FRY: variants seen among roughly 807,000 people sequenced by gnomAD.
FRY encodes protein furry homolog.
A neutral mutation model predicts 348.4 loss-of-function variants in FRY; 128 were observed. The observed-to-expected ratio is 0.37, with a 90% CI of 0.32 to 0.43. The LOEUF (loss-of-function observed/expected upper bound fraction) is 0.43, where lower values mean the gene tolerates loss of function less well. FRY is among the 20% of genes least tolerant of loss of function. The probability of loss-of-function intolerance (pLI) is 1.00; values close to 1 mark genes in which losing one functional copy is unlikely to be tolerated. For missense variants in FRY, 2,736 were observed against 3,695.2 expected, an observed-to-expected ratio of 0.74 and a Z score of 6.73; for synonymous variants, 1,370 against 1,374.7, an observed-to-expected ratio of 1.00 and a Z score of 0.08.
chr13:32,219,291 G>A (rs1489060996), intron 36 of FRY, among the ~76,000 whole-genome samples: 39 of 149,052 alleles, frequency 2.6e-4, no homozygotes, highest in Middle Eastern at 3.5e-3. Flanking sequence ...GGATTTCACC[G>A]TGTTAACCAG....
chr13:32,272,358 T>A (rs1285998274), intron 55 of FRY, among the ~76,000 whole-genome samples: 1 of 152,250 alleles, frequency 6.6e-6, no homozygotes, highest in Non-Finnish European at 1.5e-5. Context: ...CGGTACAGTA[T>A]GGACATTTTT....
At chr13:32,270,817 T>C (rs1010197538) in intron 55 of FRY, among the ~76,000 whole-genome samples, 2 of 152,254 alleles carry the variant, frequency 1.3e-5, no homozygotes, top group Non-Finnish European at 2.9e-5. Flanking sequence ...TGTTTTGGTG[T>C]CTGTCTCCCG....
intron 39 of FRY, among the ~76,000 whole-genome samples, chr13:32,227,008 A>G (rs993458585): frequency 2.0e-5 from 3 of 152,218 alleles, no homozygotes; most frequent in African/African-American, 7.2e-5. Flanking sequence ...TGAGGATAAG[A>G]ATGTACTTTC....
intron 10 of FRY, among the ~76,000 whole-genome samples, chr13:32,135,688 G>C (rs1394746279): frequency 6.6e-6 from 1 of 152,204 alleles, no homozygotes; most frequent in Non-Finnish European, 1.5e-5. Context: ...GAGCAGTATA[G>C]AAAATCTTTT....
chr13:32,114,811 G>A (rs1170123184), intron 3 of FRY, among the ~76,000 whole-genome samples: 1 of 152,136 alleles, frequency 6.6e-6, no homozygotes, highest in Admixed American at 6.5e-5. Flanking sequence ...GATAACTTTA[G>A]AAAGAATTAG....
intron 36 of FRY, among the ~76,000 whole-genome samples, chr13:32,223,061 A>C (rs1974490): frequency 0.63 from 96,134 of 151,952 alleles, 31,330 homozygotes; most frequent in African/African-American, 0.8. Context: ...TCAAACGATT[A>C]TCCTGCCTCA....
rs2138558363 is a variant in FRY, at chr13:32,265,493, A to G, written c.7823A>G (p.Asp2608Gly). 1.2e-6 allele frequency: 2 copies of G among 1,614,180 alleles called. No homozygotes were observed. The highest frequency in any genetic ancestry group is 2.2e-5 in the East Asian group (1 of 44,882). The change falls in exon 54 of 61, where the codon GAT becomes GGT. Residue 2608 changes from aspartate (D) to glycine (G), a missense_variant. Coordinates refer to ENST00000542859, the MANE Select transcript of FRY (RefSeq NM_023037.3). ...GAGGAGGACACCACCGTGCATGAGG[A>G]TGATCTTTCTAGTTCCATCAATGAA... ...REEEDTTVHE[D>G]DLSSSINELP... is the part of the protein sequence containing the mutation.
chr13:32,056,236 G>A (rs1373412649), intron 1 of FRY, among the ~76,000 whole-genome samples: 1 of 151,264 alleles, frequency 6.6e-6, no homozygotes, highest in Non-Finnish European at 1.5e-5. Flanking sequence ...ATCAGAGAAT[G>A]GGTGATCTTT....
chr13:32,175,593 C>A lies in FRY; in HGVS notation c.2382C>A (p.Ser794=). Residue 794 remains serine, a synonymous_variant, in exon 20 of 61, where the codon TCC becomes TCA. Transcript: ENST00000542859. The part of the protein sequence containing the change: ...MIDVMDQLSS[S]ILESFIHVAV... ...ATGTCATGGATCAGCTAAGTTCTTC[C>A]ATTCTAGAAAGTTTTATTCATGTAG... 1.2e-6 allele frequency: 2 copies of A among 1,611,694 alleles called. No homozygotes were observed. The highest frequency in any genetic ancestry group is 1.7e-6 in the Non-Finnish European group (2 of 1,177,794).
chr13:32,168,532 T>C (rs1051563617), intron 17 of FRY, among the ~76,000 whole-genome samples: 6 of 152,258 alleles, frequency 3.9e-5, no homozygotes, highest in Non-Finnish European at 8.8e-5. Context: ...AAGATAGATA[T>C]GCTGCTGAAT....
chr13:32,222,070 A>G (rs1414698706), intron 36 of FRY, among the ~76,000 whole-genome samples: 3 of 152,110 alleles, frequency 2.0e-5, no homozygotes, highest in African/African-American at 7.2e-5. Context: ...GGGTCAATTT[A>G]CATAGAGTAG....
At position 32,065,661 on chromosome 13, in the gene FRY, C is replaced by T. The variant is rs143299026; in HGVS notation, c.71-13173C>T. 3.7e-3 allele frequency among the ~76,000 whole-genome samples: 556 copies of T among 152,052 alleles called. 2 individuals are homozygous for T. The highest frequency in any genetic ancestry group is 0.016 in the South Asian group (77 of 4,812). On this transcript the variant is annotated intron_variant, in intron 1 of 60. Coordinates refer to ENST00000542859, the MANE Select transcript of FRY (RefSeq NM_023037.3). ...TGTTGCCCAGGCTGGAGTGCAGTGG[C>T]GCAATCATAGCTCACTGCAGTCTTG...
chr13:32,268,066 C>T (rs752852039), intron 55 of FRY, among the ~76,000 whole-genome samples: 5 of 152,162 alleles, frequency 3.3e-5, no homozygotes, highest in African/African-American at 4.8e-5. Flanking sequence ...GATTCCAACC[C>T]CACTTCCAAT....
At position 32,135,124 on chromosome 13, in the gene FRY, T is replaced by G; in HGVS notation, c.1018T>G (p.Phe340Val). 2 of 1,613,182 alleles carry G rather than the reference T, an allele frequency of 1.2e-6. No individual in the cohort carries two copies. Among genetic ancestry groups the G allele is most frequent in the Non-Finnish European group, 1.7e-6 (2 of 1,179,138 alleles). ...AGTAAATGTTCCCTGCCTTAGAAAT[T>G]TTGTGGAAAGCCTGTATGACACCAC... The part of the protein sequence containing the change: ...NEVNVPCLRN[F>V]VESLYDTTLE... The change falls in exon 10 of 61, where the codon TTT becomes GTT. Residue 340 changes from phenylalanine to valine, a missense_variant. Physicochemically the swap from Phe to Val is conservative, Grantham distance 50. Around this residue, in one of 9 missense-constraint regions of FRY, gnomAD observed 309 missense variants for 418.1 expected, o/e 0.74. Coordinates refer to ENST00000542859, the MANE Select transcript of FRY (RefSeq NM_023037.3).
chr13:32,037,792 G>C (rs1266824638), intron 1 of FRY, among the ~76,000 whole-genome samples: 1 of 152,038 alleles, frequency 6.6e-6, no homozygotes, highest in African/African-American at 2.4e-5. Flanking sequence ...TTTACTTTTG[G>C]GTACAGTTTA....
chr13:32,183,821 A>G (rs1474275932), intron 24 of FRY, among the ~76,000 whole-genome samples: 1 of 150,980 alleles, frequency 6.6e-6, no homozygotes, highest in Non-Finnish European at 1.5e-5. Flanking sequence ...GGCTTCTCAT[A>G]TAGTAGCAAT....
intron 23 of FRY, among the ~76,000 whole-genome samples, chr13:32,180,090 A>G (rs1156399774): frequency 6.6e-6 from 1 of 152,246 alleles, no homozygotes; most frequent in Non-Finnish European, 1.5e-5. Flanking sequence ...TATCAATCCC[A>G]GTTGGCCAGA....
chr13:32,047,969 C>T (rs976906422), intron 1 of FRY, among the ~76,000 whole-genome samples: 12 of 152,178 alleles, frequency 7.9e-5, no homozygotes, highest in African/African-American at 2.7e-4. Context: ...GTATGAGTTT[C>T]ACTCTAACTG....
At chr13:32,042,037 T>A (rs1356921836) in intron 1 of FRY, among the ~76,000 whole-genome samples, 2 of 152,262 alleles carry the variant, frequency 1.3e-5, no homozygotes, top group African/African-American at 2.4e-5. Context: ...CCATTTTATC[T>A]TAGCTTCTTT....
Sources: allele counts gnomAD v4.1 joint callset (sites outside exome capture counted in the v4.1 genomes callset), GRCh38; gene constraint gnomAD v4.1.1; regional missense constraint gnomAD v4.1.1; transcripts MANE v1.5; gene names NCBI Gene and HGNC (gene_info 2026-07-23, HGNC 2026-07-21).